Variants in SP4 observed in about 807,000 individuals in gnomAD.
The protein encoded by SP4 is Sp4 transcription factor.
In SP4, 19 loss-of-function variants were observed where a neutral mutation model predicts 72.8. The ratio of observed to expected loss-of-function variants is 0.26; its 90% CI spans 0.18 to 0.38. The LOEUF (loss-of-function observed/expected upper bound fraction) is 0.38. Ranked by LOEUF, SP4 falls within the 10% of genes least tolerant of loss-of-function variation. The pLI, the probability that SP4 is intolerant of heterozygous loss-of-function variation, is 1.00. For missense variants in SP4, 1,008 were observed against 926.3 expected (o/e 1.09, Z -1.14); for synonymous variants, 395 against 333.1 (o/e 1.19, Z -2.02).
chr7:21,481,406 T>C (rs1784683542), intron 4 of SP4, among the ~76,000 whole-genome samples: 2 of 152,246 alleles, frequency 1.3e-5, no homozygotes, highest in Non-Finnish European at 2.9e-5. Context: ...TACCAATTTC[T>C]GTGAGATTTT....
At chr7:21,486,188 T>G (rs1242355369) in intron 5 of SP4, among the ~76,000 whole-genome samples, 1 of 151,658 alleles carries the variant, frequency 6.6e-6, no homozygotes, top group Non-Finnish European at 1.5e-5. Flanking sequence ...GTTTTTTTTT[T>G]CTGTAGGTGA....
At chr7:21,508,807 C>CTTTT (rs11418275) in intron 5 of SP4, among the ~76,000 whole-genome samples, 12 of 111,538 alleles carry the variant, frequency 1.1e-4, no homozygotes, top group Non-Finnish European at 1.2e-4. Flanking sequence ...TGTCTACACA[C>CTTTT]TTTTTTTTTT....
At chr7:21,446,033 CGCAT>C (rs1562592102) in intron 3 of SP4, among the ~76,000 whole-genome samples, 3 of 135,452 alleles carry the variant, frequency 2.2e-5, no homozygotes, top group Admixed American at 7.4e-5. Flanking sequence ...TGTGTGTGCA[CGCAT>C]ATGTAGGTAG....
rs748535017 is a variant in SP4, at chr7:21,430,030, A to G, written c.865A>G (p.Thr289Ala). ...TGGGCAGGTTGGCCAGCCTGCTGCT[A>G]CTGCTGATAGTGGGACTTCCAATGG... The part of the protein sequence containing the change: ...GTGQVGQPAA[T>A]ADSGTSNGNQ... The change falls in exon 3 of 6, where the codon ACT (threonine) becomes GCT (alanine). Residue 289 changes from threonine to alanine, a missense_variant. This residue lies in a region of SP4 where 893 missense variants were observed against 743.3 expected (regional missense o/e 1.20). Coordinates refer to ENST00000222584, the MANE Select transcript of SP4 (RefSeq NM_003112.5). The G allele has an allele frequency of 2.5e-5, 40 of 1,614,068 alleles. No individual in the cohort carries two copies. The Middle Eastern group carries it at 4.9e-4, about 20-fold the overall frequency.
intron 5 of SP4, among the ~76,000 whole-genome samples, chr7:21,497,480 T>C (rs375934065): frequency 6.6e-6 from 1 of 151,922 alleles, no homozygotes; most frequent in African/African-American, 2.4e-5. Flanking sequence ...GAATCTGAAA[T>C]GGTTGCTTTT....
At chr7:21,468,085 C>A (rs572429221) in intron 3 of SP4, among the ~76,000 whole-genome samples, 1 of 152,034 alleles carries the variant, frequency 6.6e-6, no homozygotes, top group African/African-American at 2.4e-5. Flanking sequence ...CCTTGCAAAT[C>A]GTCTTTTCCA....
intron 3 of SP4, 100 bp downstream of exon 3, chr7:21,430,943 A>G: frequency 1.2e-6 from 1 of 819,666 alleles, no homozygotes; most frequent in Non-Finnish European, 1.9e-6. Context: ...CCTCTGAAGT[A>G]AACACACAAT....
Position 21,497,442 on chromosome 7 carries a change from G to C in SP4, c.2108-13580G>C, listed in dbSNP as rs568261388. The stretch of plus-strand genomic sequence containing the variant: ...TTTTTCTTGAATAAACACTTCCATG[G>C]ATTGCTGCAAGCCTTGATTAATTGC... On this transcript the variant is annotated intron_variant, in intron 5 of 5. Transcript: ENST00000222584. Among the ~76,000 whole-genome samples the C allele has an allele frequency of 1.7e-3, 266 of 152,322 alleles. 1 individual carries two copies. The highest frequency in any genetic ancestry group is 6.1e-3 in the African/African-American group (255 of 41,572).
At chr7:21,494,927 A>G (rs569290118) in intron 5 of SP4, among the ~76,000 whole-genome samples, 1 of 152,318 alleles carries the variant, frequency 6.6e-6, no homozygotes, top group South Asian at 2.1e-4. Flanking sequence ...ATGGATAAGT[A>G]AGACAGAATA....
intron 5 of SP4, among the ~76,000 whole-genome samples, chr7:21,488,776 A>T (rs1784892741): frequency 6.6e-6 from 1 of 151,886 alleles, no homozygotes; most frequent in Non-Finnish European, 1.5e-5. Flanking sequence ...TAAAAAAAAA[A>T]TACTGATAAC....
At chr7:21,460,745 A>C (rs1040517441) in intron 3 of SP4, among the ~76,000 whole-genome samples, 3 of 151,994 alleles carry the variant, frequency 2.0e-5, no homozygotes, top group Non-Finnish European at 2.9e-5. Context: ...TCTCCACGTC[A>C]CCACTAGATT....
chr7:21,461,504 C>T (rs866416824), intron 3 of SP4, among the ~76,000 whole-genome samples: 53 of 152,264 alleles, frequency 3.5e-4, no homozygotes, highest in Middle Eastern at 6.8e-3. Context: ...CTGCCGGGGG[C>T]CAGCAGGGCC....
chr7:21,438,540 T>C (rs1420945245), intron 3 of SP4, among the ~76,000 whole-genome samples: 1 of 152,244 alleles, frequency 6.6e-6, no homozygotes, highest in Non-Finnish European at 1.5e-5. Flanking sequence ...CCTCTTTTAT[T>C]TGGTGAATAC....
chr7:21,492,048 T>G (rs975685262), intron 5 of SP4, among the ~76,000 whole-genome samples: 1 of 152,230 alleles, frequency 6.6e-6, no homozygotes, highest in Non-Finnish European at 1.5e-5. Flanking sequence ...CTGCTGAAAT[T>G]CTTTAACATA....
intron 3 of SP4, among the ~76,000 whole-genome samples, chr7:21,464,491 T>C (rs1259667423): frequency 6.6e-6 from 1 of 152,204 alleles, no homozygotes; most frequent in Non-Finnish European, 1.5e-5. Context: ...ATGTTTATTT[T>C]GTTCTTGACA....
intron 3 of SP4, among the ~76,000 whole-genome samples, chr7:21,439,535 C>T (rs1297198277): frequency 6.7e-6 from 1 of 150,068 alleles, no homozygotes; most frequent in Non-Finnish European, 1.5e-5. Context: ...TTTCCATGAA[C>T]AGTCCTGCTG....
At chr7:21,495,639 A>C (rs1016955750) in intron 5 of SP4, among the ~76,000 whole-genome samples, 1 of 152,198 alleles carries the variant, frequency 6.6e-6, no homozygotes, top group Admixed American at 6.5e-5. Flanking sequence ...TGGAATTCTC[A>C]TATATTGCTG....
At chr7:21,459,220 A>G (rs1298767144) in intron 3 of SP4, among the ~76,000 whole-genome samples, 1 of 152,176 alleles carries the variant, frequency 6.6e-6, no homozygotes, top group African/African-American at 2.4e-5. Flanking sequence ...CCCGGATTCA[A>G]GCGATTCTCC....
At chr7:21,491,166 A>C (rs1237351660) in intron 5 of SP4, among the ~76,000 whole-genome samples, 1 of 152,260 alleles carries the variant, frequency 6.6e-6, no homozygotes, top group African/African-American at 2.4e-5. Context: ...GATAAGCGTG[A>C]CTGAAATCAA....
Sources: gnomAD v4.1 joint callset for allele counts (sites outside exome capture counted in the v4.1 genomes callset) on GRCh38, gnomAD v4.1.1 for gene constraint, gnomAD v4.1.1 regional missense constraint, MANE v1.5 for transcripts, NCBI Gene and HGNC (gene_info 2026-07-23, HGNC 2026-07-21) for gene names.